CALD1: variants seen among roughly 807,000 people sequenced by gnomAD.
CALD1 encodes caldesmon.
CALD1 carries 33 observed loss-of-function variants against 99.9 expected under a neutral mutation model. The ratio of observed to expected loss-of-function variants is 0.33; its 90% CI spans 0.25 to 0.44. The LOEUF (loss-of-function observed/expected upper bound fraction) is 0.44. Among genes scored for constraint, CALD1 ranks in the 20% least tolerant of loss-of-function variants. CALD1 has a pLI of 1.00. For synonymous variants in CALD1, 310 were observed against 325.0 expected, an observed-to-expected ratio of 0.95 and a Z score of 0.50; for missense variants, 861 against 962.1, an observed-to-expected ratio of 0.89 and a Z score of 1.39.
chr7:134,774,888 C>T (rs1372059520), upstream of CALD1, among the ~76,000 whole-genome samples: 1 of 152,084 alleles, frequency 6.6e-6, no homozygotes, highest in Non-Finnish European at 1.5e-5. Context: ...TTTTTTATTG[C>T]TTTACTATCA....
chr7:134,812,273 C>T (rs1271113526), intron 1 of CALD1, among the ~76,000 whole-genome samples: 1 of 149,488 alleles, frequency 6.7e-6, no homozygotes, highest in Non-Finnish European at 1.5e-5. Context: ...TCTCTTTAGC[C>T]ACCTAGCTTC....
intron 1 of CALD1, among the ~76,000 whole-genome samples, chr7:134,833,892 C>T (rs1242617844): frequency 1.3e-5 from 2 of 152,074 alleles, no homozygotes; most frequent in South Asian, 4.1e-4. Context: ...AGTAGAAGAG[C>T]AAATCTCAAA....
rs958483932 is a variant in CALD1 at position 134,970,386 on chromosome 7, A to G, written c.*2041A>G. The G allele has an allele frequency of 6.6e-6, 1 of 152,516 alleles. No individual in the cohort carries two copies. The highest frequency in any genetic ancestry group is 1.5e-5 in the Non-Finnish European group (1 of 68,040). 9.4% of individuals were successfully genotyped at this position (152,516 alleles called of 1,614,324 possible). ...TGCTGACTTTTATTCCAATATTTGG[A>G]TGGAGTAAGTTTTAGGGTAGAATTT... On this transcript the variant is annotated 3_prime_UTR_variant, in exon 15 of 15. Transcript: ENST00000361675.
chr7:134,914,385 G>A (rs960043361), intron 3 of CALD1, among the ~76,000 whole-genome samples: 8 of 152,172 alleles, frequency 5.3e-5, no homozygotes, highest in African/African-American at 1.4e-4. Flanking sequence ...TCCTTGATAT[G>A]GGGTAGCTGG....
At chr7:134,785,294 A>G (rs1057204176) in intron 1 of CALD1, among the ~76,000 whole-genome samples, 1 of 152,238 alleles carries the variant, frequency 6.6e-6, no homozygotes, top group Non-Finnish European at 1.5e-5. Flanking sequence ...GATAAGAATC[A>G]TCCATCTCAG....
At chr7:134,901,017 A>G (rs965043807) in intron 3 of CALD1, among the ~76,000 whole-genome samples, 1 of 152,140 alleles carries the variant, frequency 6.6e-6, no homozygotes, top group Admixed American at 6.5e-5. Context: ...TATTTAAAAT[A>G]AGAATTTGTA....
intron 1 of CALD1, among the ~76,000 whole-genome samples, chr7:134,838,191 T>G (rs1799519197): frequency 6.6e-6 from 1 of 152,210 alleles, no homozygotes. Flanking sequence ...TACAAATATC[T>G]GTATACATTT....
chr7:134,776,175 G>A (rs73724854), upstream of CALD1, among the ~76,000 whole-genome samples: 2,317 of 152,164 alleles, frequency 0.015, 55 homozygotes, highest in African/African-American at 0.05. Flanking sequence ...TTTAGTTGTA[G>A]AAGAGATAGT....
intron 8 of CALD1, among the ~76,000 whole-genome samples, chr7:134,949,646 G>A (rs1380563379): frequency 1.3e-5 from 2 of 152,092 alleles, no homozygotes; most frequent in African/African-American, 4.8e-5. Flanking sequence ...TTTCACATAA[G>A]TTATTCATTT....
chr7:134,848,307 A>C lies in CALD1; in HGVS notation c.-42+4336A>C, dbSNP rs114270596. 4.5e-3 allele frequency among the ~76,000 whole-genome samples: 679 copies of C among 152,300 alleles called. 5 individuals carry two copies. The highest frequency in any genetic ancestry group is 0.016 in the African/African-American group (661 of 41,568). ...TTCGCTAATTCAAAACAAAATGTCC[A>C]TCACGCACTCTAACACCAGCCTCTA... On this transcript the variant is annotated intron_variant, in intron 2 of 14. Transcript: ENST00000361675.
At chr7:134,900,868 T>C (rs1179296948) in intron 3 of CALD1, among the ~76,000 whole-genome samples, 1 of 152,114 alleles carries the variant, frequency 6.6e-6, no homozygotes, top group Admixed American at 6.5e-5. Context: ...GCATGATATC[T>C]TCTGCCAACA....
At chr7:134,792,835 C>T (rs1797597159) in intron 1 of CALD1, among the ~76,000 whole-genome samples, 1 of 152,178 alleles carries the variant, frequency 6.6e-6, no homozygotes, top group Non-Finnish European at 1.5e-5. Context: ...GTGCCAAAGA[C>T]CCTACTGCTG....
rs770357937 is a variant in CALD1 at position 134,933,906 on chromosome 7, G to C, written c.1137G>C (p.Glu379Asp). The change falls in exon 5 of 15, where the codon GAG (glutamate) becomes GAC (aspartate). Residue 379 changes from glutamate (E) to aspartate (D), a missense_variant. This residue lies in a region of CALD1 where 293 missense variants were observed against 262.7 expected (regional missense o/e 1.12). Coordinates refer to ENST00000361675, the MANE Select transcript of CALD1 (RefSeq NM_033138.4). The stretch of plus-strand genomic sequence containing the variant: ...AAAGGGCCAGGGCAGAGGAGGAAGA[G>C]AAGGCTAAGGTAGAAGAGCAGAAAC... ...ERQRARAEEEEKAKVEEQKRN... is the reference protein window; with the variant it reads ...ERQRARAEEEDKAKVEEQKRN... The C allele has an allele frequency of 6.2e-7, 1 of 1,613,536 alleles. No individual in the cohort carries two copies. The highest frequency in any genetic ancestry group is 1.1e-5 in the South Asian group (1 of 91,056).
At chr7:134,952,611 C>T (rs1404517203) in intron 9 of CALD1, among the ~76,000 whole-genome samples, 1 of 151,966 alleles carries the variant, frequency 6.6e-6, no homozygotes, top group Non-Finnish European at 1.5e-5. Context: ...GCTGGGACTA[C>T]AGGTGCACGC....
At chr7:134,899,275 C>T (rs1398604115) in intron 3 of CALD1, among the ~76,000 whole-genome samples, 2 of 151,226 alleles carry the variant, frequency 1.3e-5, no homozygotes, top group Non-Finnish European at 2.9e-5. Flanking sequence ...ACGATCTCGG[C>T]TCACTACAAC....
chr7:134,880,773 T>C (rs990703567), intron 3 of CALD1, among the ~76,000 whole-genome samples: 5 of 152,214 alleles, frequency 3.3e-5, no homozygotes, highest in Non-Finnish European at 7.3e-5. Flanking sequence ...TCTTTCCTGC[T>C]ACTACCTTTT....
chr7:134,759,252 T>C (rs534248545), intron 1 of CALD1, among the ~76,000 whole-genome samples: 69 of 152,236 alleles, frequency 4.5e-4, no homozygotes, highest in African/African-American at 1.3e-3. Flanking sequence ...GCAGAGTTCA[T>C]GAGAAAAAAA....
chr7:134,755,887 T>C (rs1167706655), intron 1 of CALD1, among the ~76,000 whole-genome samples: 2 of 152,212 alleles, frequency 1.3e-5, no homozygotes, highest in African/African-American at 4.8e-5. Flanking sequence ...GTTTTACTTT[T>C]TATGCTCATA....
chr7:134,775,887 T>C (rs1218002114), upstream of CALD1, among the ~76,000 whole-genome samples: 1 of 152,232 alleles, frequency 6.6e-6, no homozygotes, highest in Non-Finnish European at 1.5e-5. Context: ...TTACATTTAT[T>C]CCCAGGTAAT....
Sources: allele counts gnomAD v4.1 joint callset (sites outside exome capture counted in the v4.1 genomes callset), GRCh38; gene constraint gnomAD v4.1.1; regional missense constraint gnomAD v4.1.1; transcripts MANE v1.5; gene names NCBI Gene and HGNC (gene_info 2026-07-23, HGNC 2026-07-21).